Variants in UBN1 observed in about 807,000 individuals in gnomAD.
UBN1 encodes ubinuclein-1.
A neutral mutation model predicts 108.5 loss-of-function variants in UBN1; 17 were observed. That is an observed-to-expected ratio of 0.16 (90% CI 0.11 to 0.24). The LOEUF (loss-of-function observed/expected upper bound fraction) is 0.24. Among genes scored for constraint, UBN1 ranks in the 10% least tolerant of loss-of-function variants. UBN1 has a pLI of 1.00. For missense variants in UBN1, 1,595 were observed against 1,394.4 expected (o/e 1.14, Z -2.29); for synonymous variants, 726 against 564.2 (o/e 1.29, Z -4.07).
chr16:4,855,471 C>G (rs2086760515), intron 2 of UBN1, among the ~76,000 whole-genome samples: 2 of 151,852 alleles, frequency 1.3e-5, no homozygotes, highest in Admixed American at 6.6e-5. Context: ...CAGAAATTAG[C>G]TGGGCATGAT....
rs1452993662 is a variant in UBN1, at chr16:4,860,700, G to A, written c.708G>A (p.Lys236=). 1.2e-6 allele frequency: 2 copies of A among 1,613,500 alleles called. No homozygotes were observed. Among genetic ancestry groups the A allele is most frequent in the Non-Finnish European group, 1.7e-6 (2 of 1,179,926 alleles). The change falls in exon 7 of 18, where the codon AAG becomes AAA. Residue 236 remains lysine, a synonymous_variant. Coordinates refer to ENST00000262376, the MANE Select transcript of UBN1 (RefSeq NM_001079514.3). The part of the protein sequence containing the change: ...TALNASKEKK[K]KKYSGALSVK... ...TCAATGCCAGTAAGGAGAAGAAGAA[G>A]AAGAAATATTCTGGGGCTTTAAGCG... is the stretch of plus-strand genomic sequence containing the variant.
intron 12 of UBN1, among the ~76,000 whole-genome samples, chr16:4,871,614 TCTCG>T (rs1277137479): frequency 1.5e-5 from 2 of 131,304 alleles, no homozygotes. Flanking sequence ...TGAGATGGAG[TCTCG>T]CTCTGTTGCC....
Position 4,875,429 on chromosome 16 carries a change from T to G in UBN1, c.3019T>G (p.Leu1007Val), listed in dbSNP as rs1325297483. The change falls in exon 15 of 18, where the codon TTG becomes GTG. Residue 1007 changes from leucine (L) to valine (V), a missense_variant. Leu to Val is a conservative substitution (Grantham distance 32, BLOSUM62 1). Coordinates refer to ENST00000262376, the MANE Select transcript of UBN1 (RefSeq NM_001079514.3). The part of the protein sequence containing the change: ...AVSSVTSSTS[L>V]SKGASGTVLL... ...TAGTAGTGTGACATCGTCTACCTCC[T>G]TGTCAGTGAGTATCTGTCATAGCAG... The G allele has an allele frequency of 6.2e-7, 1 of 1,607,760 alleles. No homozygotes were observed. Among genetic ancestry groups the G allele is most frequent in the African/African-American group, 1.3e-5 (1 of 74,816 alleles).
At chr16:4,850,661 A>T (rs1211096791) in intron 1 of UBN1, among the ~76,000 whole-genome samples, 3 of 152,184 alleles carry the variant, frequency 2.0e-5, no homozygotes, top group Non-Finnish European at 4.4e-5. Flanking sequence ...GCCTGATTAG[A>T]ATTATTTTAA....
At position 4,852,886 on chromosome 16, in the gene UBN1, G is replaced by A. The variant is rs778661217; in HGVS notation, c.-32G>A. 3.1e-6 allele frequency: 5 copies of A among 1,594,794 alleles called. No homozygotes were observed. In the East Asian group the frequency reaches 6.7e-5, roughly 21 times the overall value. On this transcript the variant is annotated 5_prime_UTR_variant, in exon 2 of 18. The change abolishes an upstream ATG in the 5' untranslated region. Coordinates refer to ENST00000262376, the MANE Select transcript of UBN1 (RefSeq NM_001079514.3). The stretch of plus-strand genomic sequence containing the variant: ...TCTTTTCAATGTTAACAGAAGCCAT[G>A]CAGTGACACCCGCTAAGACTTGTTG...
chr16:4,876,782 C>G (rs185360581), intron 15 of UBN1, 89 bp from the exon 16 acceptor site: 3 of 1,512,736 alleles, frequency 2.0e-6, no homozygotes, highest in African/African-American at 2.8e-5. Context: ...TGTGGACACA[C>G]AAGGAGGATC....
rs1030404590 is a variant in UBN1 at position 4,848,073 on chromosome 16, A to T, written c.-177A>T. Reference sequence around the variant, plus strand: ...CTCCCCTGGGCTCGGGGACCCGGCCATGGGCCGAGGCGCGGGCCGCCCGCC... The same window carrying T: ...CTCCCCTGGGCTCGGGGACCCGGCCTTGGGCCGAGGCGCGGGCCGCCCGCC... On this transcript the variant is annotated 5_prime_UTR_variant, in exon 1 of 18. The change abolishes an upstream ATG in the 5' untranslated region. Transcript: ENST00000262376. 4 of 151,842 alleles carry T rather than the reference A, an allele frequency of 2.6e-5. No individual in the cohort carries two copies. The highest frequency in any genetic ancestry group is 5.9e-5 in the Non-Finnish European group (4 of 67,964). The allele number at this position is 151,842 out of a possible 1,614,324, so 9.4% of individuals were successfully genotyped here. A position where few individuals can be genotyped will look rare whatever the true frequency, so the allele number is the denominator to read the frequency against.
chr16:4,868,776 C>T (rs763366357), intron 7 of UBN1, 57 bp from the exon 8 acceptor site: 184 of 1,568,050 alleles, frequency 1.2e-4, no homozygotes, highest in African/African-American at 1.6e-4. Context: ...TGTGGGTGAG[C>T]GTAAGGGACA....
In UBN1 at chr16:4,860,952, C is replaced by T; in HGVS notation, c.960C>T (p.Leu320=). 2 of 1,614,246 alleles carry T rather than the reference C, an allele frequency of 1.2e-6. No homozygotes were observed. The highest frequency in any genetic ancestry group is 1.7e-6 in the Non-Finnish European group (2 of 1,180,052). ...SLTDLDLEHL[L]SESPEGSPFR... is the part of the protein sequence containing the mutation. Reference sequence around the variant, plus strand: ...CGGATTTGGACTTGGAGCATCTGCTCAGTGAGTCTCCAGAAGGAAGTCCCT... The same window carrying T: ...CGGATTTGGACTTGGAGCATCTGCTTAGTGAGTCTCCAGAAGGAAGTCCCT... The change falls in exon 7 of 18, where the codon CTC becomes CTT. Residue 320 remains leucine (L), a synonymous_variant. Transcript: ENST00000262376.
intron 17 of UBN1, 142 bp from the exon 18 acceptor site, chr16:4,879,941 A>C: frequency 2.3e-6 from 2 of 851,750 alleles, no homozygotes; most frequent in Non-Finnish European, 3.9e-6. Context: ...CTGGTGTCTC[A>C]TGGCTTGTTT....
chr16:4,856,805 G>T (rs1279084005), intron 2 of UBN1, among the ~76,000 whole-genome samples: 1 of 152,190 alleles, frequency 6.6e-6, no homozygotes. Context: ...AGAAGATCCA[G>T]ATAAGCATGT....
intron 5 of UBN1, 135 bp from the exon 6 acceptor site, chr16:4,859,730 C>G: frequency 1.4e-6 from 2 of 1,432,432 alleles, no homozygotes; most frequent in Non-Finnish European, 1.9e-6. Flanking sequence ...AGGGACTGAT[C>G]TGAGAGCTTT....
intron 2 of UBN1, among the ~76,000 whole-genome samples, chr16:4,854,558 T>C (rs1327054675): frequency 6.7e-6 from 1 of 149,542 alleles, no homozygotes; most frequent in Non-Finnish European, 1.5e-5. Context: ...GGTTTTACCA[T>C]TTTAACCATG....
intron 1 of UBN1, among the ~76,000 whole-genome samples, chr16:4,849,713 C>T (rs1256785863): frequency 6.6e-6 from 1 of 151,746 alleles, no homozygotes; most frequent in East Asian, 1.9e-4. Context: ...CCACCTCAGC[C>T]TCCTTAGTAG....
chr16:4,874,918 G>A lies in UBN1; in HGVS notation c.2508G>A (p.Gln836=). ...KLQGPKASPT[Q]CHRSLLQLVK... ...AAGGCCCAAAGGCTTCTCCCACACA[G>A]TGTCATCGTTCCCTCCTGCAGTTAG... The change falls in exon 15 of 18, where the codon CAG becomes CAA. Residue 836 remains glutamine, a synonymous_variant. Transcript: ENST00000262376. 1.2e-6 allele frequency: 2 copies of A among 1,614,148 alleles called. No homozygotes were observed. Among genetic ancestry groups the A allele is most frequent in the Admixed American group, 1.7e-5 (1 of 60,028 alleles).
intron 10 of UBN1, 62 bp from the exon 11 acceptor site, chr16:4,870,782 T>C: frequency 6.2e-7 from 1 of 1,604,544 alleles, no homozygotes; most frequent in Middle Eastern, 1.8e-4. Context: ...TAGTGCAGAG[T>C]GAGGGGAGAG....
At position 4,879,279 on chromosome 16, in the gene UBN1, T is replaced by C. The variant is rs75389735; in HGVS notation, c.3356-804T>C. Reference sequence around the variant, plus strand: ...ATGTACCCCATAAAATATGTGTCATTATTATGAGTCAGTTTTTAAAACTGT... The same window carrying C: ...ATGTACCCCATAAAATATGTGTCATCATTATGAGTCAGTTTTTAAAACTGT... On this transcript the variant is annotated intron_variant, in intron 17 of 17. Coordinates refer to ENST00000262376, the MANE Select transcript of UBN1 (RefSeq NM_001079514.3). Among the ~76,000 whole-genome samples, 360 of 152,206 alleles carry C rather than the reference T, an allele frequency of 2.4e-3. 1 individual carries two copies. The highest frequency in any genetic ancestry group is 8.1e-3 in the African/African-American group (335 of 41,532).
chr16:4,855,606 CAAAAAAAAAAAAAAA>C lies in UBN1; in HGVS notation c.250-2376_250-2362del, dbSNP rs36072146. Among the ~76,000 whole-genome samples, 25 of 80,224 alleles carry C rather than the reference CAAAAAAAAAAAAAAA, an allele frequency of 3.1e-4. No individual in the cohort carries two copies. In the East Asian group the frequency reaches 0.012, roughly 38 times the overall value. 52.6% of individuals were successfully genotyped at this position (80,224 alleles called of 152,430 possible). On this transcript the variant is annotated intron_variant, in intron 2 of 17. Coordinates refer to ENST00000262376, the MANE Select transcript of UBN1 (RefSeq NM_001079514.3). Reference sequence around the variant, plus strand: ...ACTGGGTGAAAGCAAGACCCTGTGTCAAAAAAAAAAAAAAAAAAAAAAGGCTGGAAGGCCTGGCGC... The same window carrying C: ...ACTGGGTGAAAGCAAGACCCTGTGTCAAAAAAAGGCTGGAAGGCCTGGCGC...
In UBN1 at chr16:4,882,358, A is replaced by T. The variant is rs924399767; in HGVS notation, c.*2226A>T. On this transcript the variant is annotated 3_prime_UTR_variant, in exon 18 of 18. Transcript: ENST00000262376. Reference sequence around the variant, plus strand: ...TCAATAAATTGTTTCAAGGTTTCCAAAACATTTTTTCTCACTCTTTTCTTT... The same window carrying T: ...TCAATAAATTGTTTCAAGGTTTCCATAACATTTTTTCTCACTCTTTTCTTT... The T allele has an allele frequency of 6.6e-6, 1 of 151,542 alleles. No individual in the cohort carries two copies. The highest frequency in any genetic ancestry group is 2.5e-5 in the African/African-American group (1 of 40,790). The allele number at this position is 151,542 out of a possible 1,614,324, so 9.4% of individuals were successfully genotyped here.
Sources: gnomAD v4.1 joint callset for allele counts (sites outside exome capture counted in the v4.1 genomes callset) on GRCh38, gnomAD v4.1.1 for gene constraint, MANE v1.5 for transcripts, NCBI Gene and HGNC (gene_info 2026-07-23, HGNC 2026-07-21) for gene names.